Variants in MAST3 observed in about 807,000 individuals in gnomAD.
The protein encoded by MAST3 is microtubule-associated serine/threonine-protein kinase 3.
Under a neutral mutation model 127.0 loss-of-function variants are expected in MAST3, and 43 were observed. The observed-to-expected ratio is 0.34, with a 90% confidence interval of 0.27 to 0.44. The LOEUF is 0.44. MAST3 is among the 20% of genes least tolerant of loss of function. The pLI, the probability that MAST3 is intolerant of heterozygous loss-of-function variation, is 1.00. For missense variants in MAST3, 1,390 were observed against 1,919.1 expected, an observed-to-expected ratio of 0.72 and a Z score of 5.15; for synonymous variants, 785 against 809.2, an observed-to-expected ratio of 0.97 and a Z score of 0.51.
chr19:18,111,994 A>G (rs1397023683), intron 3 of MAST3, among the ~76,000 whole-genome samples: 1 of 152,256 alleles, frequency 6.6e-6, no homozygotes, highest in African/African-American at 2.4e-5. Flanking sequence ...CTTCTCAGTC[A>G]GCTTAGGGAA....
intron 17 of MAST3, among the ~76,000 whole-genome samples, chr19:18,135,411 G>A (rs1330983600): frequency 6.6e-6 from 1 of 152,156 alleles, no homozygotes; most frequent in East Asian, 1.9e-4. Context: ...GTTGCAGTGA[G>A]CTGAGATTGT....
chr19:18,137,176 TA>T, intron 18 of MAST3, 62 bp from the exon 19 acceptor site: 6 of 1,583,174 alleles, frequency 3.8e-6, no homozygotes, highest in Non-Finnish European at 5.2e-6. Context: ...GCAGTGGGGG[TA>T]GGGGGGCATC....
intron 15 of MAST3, 92 bp from the exon 16 acceptor site, chr19:18,134,487 G>T: frequency 6.8e-7 from 1 of 1,472,052 alleles, no homozygotes; most frequent in Non-Finnish European, 9.1e-7. Flanking sequence ...GCAGAGCTCT[G>T]CCCATCTCAG....
At chr19:18,142,572 G>C (rs376533382) in intron 21 of MAST3, among the ~76,000 whole-genome samples, 2 of 151,266 alleles carry the variant, frequency 1.3e-5, no homozygotes, top group African/African-American at 4.9e-5. Flanking sequence ...GGATGGTCTC[G>C]GTCTCCTGAC....
intron 1 of MAST3, 37 bp from the exon 2 acceptor site, chr19:18,107,550 C>G: frequency 1.2e-6 from 2 of 1,611,636 alleles, no homozygotes; most frequent in Admixed American, 1.7e-5. Context: ...GAGGGCTAGT[C>G]TCTCTGAGAA....
intron 3 of MAST3, among the ~76,000 whole-genome samples, chr19:18,121,382 C>T (rs1459541553): frequency 1.3e-5 from 2 of 152,302 alleles, no homozygotes; most frequent in Non-Finnish European, 2.9e-5. Context: ...GTCTTGAACT[C>T]CTGGCTTCAG....
chr19:18,106,229 A>G (rs2038059978), intron 1 of MAST3, among the ~76,000 whole-genome samples: 1 of 152,074 alleles, frequency 6.6e-6, no homozygotes, highest in Non-Finnish European at 1.5e-5. Context: ...CTGGGATTGC[A>G]GGCGTGCAAC....
chr19:18,138,730 C>G (rs1002690019), intron 19 of MAST3, among the ~76,000 whole-genome samples: 2 of 152,126 alleles, frequency 1.3e-5, no homozygotes, highest in Non-Finnish European at 2.9e-5. Flanking sequence ...AACTCCTGAC[C>G]TCAAGTGAGC....
Position 18,144,089 on chromosome 19 carries a change from G to T in MAST3, c.2584+82G>T. The T allele has an allele frequency of 6.7e-7, 1 of 1,494,598 alleles. No homozygotes were observed. Among genetic ancestry groups the T allele is most frequent in the South Asian group, 1.3e-5 (1 of 77,920 alleles). The allele number at this position is 1,494,598 out of a possible 1,614,324, so 92.6% of individuals were successfully genotyped here. On this transcript the variant is annotated intron_variant, in intron 22 of 27. Coordinates refer to ENST00000687212, the MANE Select transcript of MAST3 (RefSeq NM_001393504.1). The surrounding 1 kb of genome is among the most constrained non-coding windows in gnomAD (Gnocchi z 4.0). The stretch of plus-strand genomic sequence containing the variant: ...CTATTTGAGATGGGTTTTCAAGGAT[G>T]AGTAGGAGTTCTCCAGAGCCAACAA...
intron 6 of MAST3, 124 bp from the exon 7 acceptor site, chr19:18,123,093 C>A: frequency 9.7e-7 from 1 of 1,028,056 alleles, no homozygotes; most frequent in Non-Finnish European, 1.5e-6. Context: ...AGGAGCTAGG[C>A]AGGAGAAAGG....
chr19:18,134,197 C>T (rs572695145), intron 15 of MAST3, among the ~76,000 whole-genome samples: 4 of 150,658 alleles, frequency 2.7e-5, no homozygotes, highest in South Asian at 2.1e-4. Flanking sequence ...GGCAAAACCC[C>T]GTCTCTACTA....
chr19:18,138,852 G>A (rs1258353103), intron 19 of MAST3, among the ~76,000 whole-genome samples, 163 bp from the exon 20 acceptor site: 1 of 152,090 alleles, frequency 6.6e-6, no homozygotes, highest in Non-Finnish European at 1.5e-5. Context: ...CTGCTCTGCC[G>A]CCCAAGCCTC....
chr19:18,123,864 C>A, intron 8 of MAST3, 75 bp from the exon 9 acceptor site: 1 of 1,377,678 alleles, frequency 7.3e-7, no homozygotes, highest in Non-Finnish European at 9.9e-7. Context: ...CCCAACCATG[C>A]CTCTCCTGCC....
chr19:18,138,159 G>A (rs913057126), intron 19 of MAST3, among the ~76,000 whole-genome samples: 4 of 150,172 alleles, frequency 2.7e-5, no homozygotes, highest in Non-Finnish European at 5.9e-5. Context: ...GCAGTGAGCT[G>A]AGATGGCACT....
At chr19:18,107,764 C>A in intron 2 of MAST3, 146 bp downstream of exon 2, 1 of 899,196 alleles carries the variant, frequency 1.1e-6, no homozygotes, top group Non-Finnish European at 1.7e-6. Flanking sequence ...TTGCAAAGTG[C>A]TTCACAAGCA....
chr19:18,147,845 T>C (rs2043189240), intron 27 of MAST3, among the ~76,000 whole-genome samples: 1 of 152,118 alleles, frequency 6.6e-6, no homozygotes, highest in Non-Finnish European at 1.5e-5. Flanking sequence ...CAAATGGGGC[T>C]AGACAGGAGG....
chr19:18,128,788 G>A (rs1437497384), intron 12 of MAST3, 78 bp from the exon 13 acceptor site: 2 of 1,142,864 alleles, frequency 1.7e-6, no homozygotes, highest in East Asian at 4.7e-5. Context: ...ACCAGGACCA[G>A]TGGTTTGGGC....
Position 18,121,847 on chromosome 19 carries a change from C to T in MAST3, c.251-6C>T. 9 of 1,614,000 alleles carry T rather than the reference C, an allele frequency of 5.6e-6. No homozygotes were observed. The highest frequency in any genetic ancestry group is 7.6e-6 in the Non-Finnish European group (9 of 1,179,874). On this transcript the variant is annotated splice_polypyrimidine_tract_variant and splice_region_variant and intron_variant, in intron 4 of 27. Transcript: ENST00000687212. ...TGACTCAGTTTCCCCGCCTCCTCCT[C>T]AGCAGGCAGCAGCCCCTTGGATAGT...
intron 3 of MAST3, among the ~76,000 whole-genome samples, chr19:18,115,193 T>A (rs2039084704): frequency 6.6e-6 from 1 of 152,096 alleles, no homozygotes; most frequent in African/African-American, 2.4e-5. Context: ...CAGAGATCAG[T>A]GGCTCAGCCA....
Sources: allele counts gnomAD v4.1 joint callset (sites outside exome capture counted in the v4.1 genomes callset), GRCh38; gene constraint gnomAD v4.1.1; non-coding constraint Gnocchi (gnomAD v3.1); transcripts MANE v1.5; gene names NCBI Gene and HGNC (gene_info 2026-07-23, HGNC 2026-07-21).